The following MED13L variants were observed in gnomAD, a reference collection of about 807,000 sequenced individuals.
MED13L encodes mediator of RNA polymerase II transcription subunit 13-like.
MED13L carries 7 observed loss-of-function variants against 220.9 expected under a neutral mutation model. The observed-to-expected ratio is 0.03, with a 90% CI of 0.02 to 0.06. MED13L has a LOEUF of 0.06. Ranked by LOEUF, MED13L falls within the 10% of genes least tolerant of loss-of-function variation. The probability of loss-of-function intolerance (pLI) is 1.00; values close to 1 mark genes in which losing one functional copy is unlikely to be tolerated. For synonymous variants in MED13L, 1,011 were observed against 1,015.2 expected, an observed-to-expected ratio of 1.00 and a Z score of 0.08; for missense variants, 1,965 against 2,760.5, an observed-to-expected ratio of 0.71 and a Z score of 6.46.
intron 11 of MED13L, chr12:116,006,996 T>C (rs1345203692): frequency 1.3e-5 from 3 of 234,502 alleles, no homozygotes; most frequent in South Asian, 6.8e-5. Context: ...AGAGAATATA[T>C]AGGTACAGCG....
intron 3 of MED13L, among the ~76,000 whole-genome samples, chr12:116,098,914 G>C (rs1049422897): frequency 6.6e-6 from 1 of 152,104 alleles, no homozygotes; most frequent in Non-Finnish European, 1.5e-5. Flanking sequence ...CCAGCTAACA[G>C]ACTTAATTAT....
rs76168561 is a variant in MED13L at position 115,983,797 on chromosome 12, G to C, written c.4532-257C>G. Among the ~76,000 whole-genome samples, 2,150 of 152,252 alleles carry C rather than the reference G, an allele frequency of 0.014. 59 individuals carry two copies. Among genetic ancestry groups the C allele is most frequent in the African/African-American group, 0.049 (2,029 of 41,538 alleles). Reference sequence around the variant, plus strand: ...AATCACTTGTGATAGTCTCCTTTCAGACTGATTCCATGTGCCTGCCCTAAA... The same window carrying C: ...AATCACTTGTGATAGTCTCCTTTCACACTGATTCCATGTGCCTGCCCTAAA... On this transcript the variant is annotated intron_variant, in intron 20 of 30. Coordinates refer to ENST00000281928, the MANE Select transcript of MED13L (RefSeq NM_015335.5).
At chr12:116,121,531 G>C (rs1444586453) in intron 2 of MED13L, among the ~76,000 whole-genome samples, 1 of 152,140 alleles carries the variant, frequency 6.6e-6, no homozygotes, top group Non-Finnish European at 1.5e-5. Flanking sequence ...TGGGAGGAGG[G>C]AGAATGGAAT....
rs544990307 is a variant in MED13L, at chr12:115,992,089, T to A, written c.2997-132A>T. On this transcript the variant is annotated intron_variant, in intron 16 of 30. Transcript: ENST00000281928. The stretch of plus-strand genomic sequence containing the variant: ...CTGCTATCACTGGGATACACTGGTA[T>A]ATTTAATTTTCTCTTAAAAAAAAAA... The A allele has an allele frequency of 5.8e-5, 48 of 828,156 alleles. No homozygotes were observed. The East Asian group carries it at 7.2e-4, about 12-fold the overall frequency. 51.3% of individuals were successfully genotyped at this position (828,156 alleles called of 1,614,324 possible).
Position 115,972,143 on chromosome 12 carries a change from G to A in MED13L, c.5825C>T (p.Ser1942Phe). ...CRMCGISAAD[S>F]PSILSACLVA... Reference sequence around the variant, plus strand: ...CAGGCAGGCACTAAGGATAGAAGGAGAGTCTGCGGCAGAGATTCCACACAT... The same window carrying A: ...CAGGCAGGCACTAAGGATAGAAGGAAAGTCTGCGGCAGAGATTCCACACAT... The change falls in exon 26 of 31, where the codon TCT becomes TTT. Residue 1942 changes from serine to phenylalanine, a missense_variant. By Grantham distance (155) the Ser-to-Phe change is radical. Transcript: ENST00000281928. 1 of 1,614,106 alleles carries A rather than the reference G, an allele frequency of 6.2e-7. No individual in the cohort carries two copies. Among genetic ancestry groups the A allele is most frequent in the Non-Finnish European group, 8.5e-7 (1 of 1,179,940 alleles).
intron 2 of MED13L, among the ~76,000 whole-genome samples, chr12:116,135,596 T>C (rs1336600331): frequency 1.3e-5 from 2 of 152,160 alleles, no homozygotes; most frequent in African/African-American, 4.8e-5. Context: ...TTTGGGGTGG[T>C]TTGTTACACA....
intron 2 of MED13L, among the ~76,000 whole-genome samples, chr12:116,119,876 A>AGTCACAT (rs1348134634): frequency 7.1e-6 from 1 of 141,214 alleles, no homozygotes; most frequent in Non-Finnish European, 1.5e-5. Flanking sequence ...ACTTGTCCAA[A>AGTCACAT]GTCACATAAC....
At chr12:115,994,124 T>C (rs1449119226) in intron 16 of MED13L, among the ~76,000 whole-genome samples, 2 of 152,186 alleles carry the variant, frequency 1.3e-5, no homozygotes, top group Non-Finnish European at 2.9e-5. Context: ...AGGAAGCTGA[T>C]GACTGCCATA....
At position 115,991,295 on chromosome 12, in the gene MED13L, T is replaced by C. The variant is rs1878044979; in HGVS notation, c.3659A>G (p.Glu1220Gly). The stretch of plus-strand genomic sequence containing the variant: ...GAGGAGGAGAAGGCTTATGGGTGGC[T>C]CCTGGGGTTTTTTGGTTCCTTCCAC... Reference protein sequence around the residue: ...PQVEGTKKPQEPPISLLLLLQ... With the variant: ...PQVEGTKKPQGPPISLLLLLQ... Residue 1220 changes from glutamate to glycine, a missense_variant, in exon 17 of 31, where the codon GAG becomes GGG. Physicochemically the swap from Glu to Gly is moderately conservative, Grantham distance 98. Around this residue, in one of 10 missense-constraint regions of MED13L, gnomAD observed 165 missense variants for 190.8 expected, o/e 0.86. Transcript: ENST00000281928. This position sits in a 1 kb window ranked among gnomAD's most constrained non-coding sequence, Gnocchi z 7.7. 1.2e-6 allele frequency: 2 copies of C among 1,614,132 alleles called. No individual in the cohort carries two copies. Among genetic ancestry groups the C allele is most frequent in the Admixed American group, 3.3e-5 (2 of 60,018 alleles).
At chr12:116,275,878 T>C (rs1333543872) in intron 1 of MED13L, among the ~76,000 whole-genome samples, 1 of 152,234 alleles carries the variant, frequency 6.6e-6, no homozygotes, top group East Asian at 1.9e-4. Flanking sequence ...TTACAAATCT[T>C]TGCTCAATAT....
intron 18 of MED13L, among the ~76,000 whole-genome samples, chr12:115,986,733 T>C (rs1877716797): frequency 6.6e-6 from 1 of 152,136 alleles, no homozygotes; most frequent in South Asian, 2.1e-4. Context: ...TAGAACAAGT[T>C]AAAATTAACT....
intron 29 of MED13L, among the ~76,000 whole-genome samples, chr12:115,963,825 GAA>G (rs1875943980): frequency 6.6e-6 from 1 of 152,116 alleles, no homozygotes; most frequent in Non-Finnish European, 1.5e-5. Context: ...AAGGTCCCAT[GAA>G]TTGATATCGC....
chr12:116,163,620 C>T (rs565400914), intron 2 of MED13L, among the ~76,000 whole-genome samples: 210 of 152,154 alleles, frequency 1.4e-3, no homozygotes, highest in Non-Finnish European at 2.2e-3. Context: ...GCCTCGGCCT[C>T]CCAAAGTGCT....
At chr12:116,167,320 C>G (rs1879353947) in intron 2 of MED13L, among the ~76,000 whole-genome samples, 1 of 152,058 alleles carries the variant, frequency 6.6e-6, no homozygotes, top group Non-Finnish European at 1.5e-5. Flanking sequence ...GTTTAAACAA[C>G]TGTTTGATCA....
In MED13L at chr12:116,076,659, A is replaced by ATG. The variant is rs1870828260; in HGVS notation, c.479+20009_479+20010insCA. ...AGCAATTGGGAGAAGTTATGTATGA[A>ATG]TCACCATAATATTGTGACAAGTCTG... On this transcript the variant is annotated intron_variant, in intron 4 of 30. Transcript: ENST00000281928. Among the ~76,000 whole-genome samples, 4 of 152,330 alleles carry ATG rather than the reference A, an allele frequency of 2.6e-5. No individual in the cohort carries two copies. The South Asian group carries it at 8.3e-4, about 32-fold the overall frequency.
chr12:116,032,963 T>C (rs1880946581), intron 4 of MED13L, among the ~76,000 whole-genome samples: 1 of 150,950 alleles, frequency 6.6e-6, no homozygotes, highest in African/African-American at 2.4e-5. Context: ...GAGAAGAATA[T>C]AGGAAAGGGT....
chr12:116,201,480 C>T (rs1233735888), intron 2 of MED13L, among the ~76,000 whole-genome samples: 3 of 151,838 alleles, frequency 2.0e-5, no homozygotes, highest in Non-Finnish European at 4.4e-5. Flanking sequence ...CATCATAAAA[C>T]ATTTGATTTT....
At chr12:116,108,390 A>AGGGGGGGGG (rs35576412) in intron 3 of MED13L, among the ~76,000 whole-genome samples, 2 of 41,246 alleles carry the variant, frequency 4.8e-5, no homozygotes, top group African/African-American at 2.6e-4. Flanking sequence ...TTTAAAAGAA[A>AGGGGGGGGG]GGGGGGGGGG....
chr12:116,220,992 C>A (rs528850825), intron 2 of MED13L, among the ~76,000 whole-genome samples: 1 of 151,980 alleles, frequency 6.6e-6, no homozygotes, highest in Non-Finnish European at 1.5e-5. Context: ...AATCTCGATG[C>A]GGTAAAAGCT....
Sources: allele counts gnomAD v4.1 joint callset (sites outside exome capture counted in the v4.1 genomes callset), GRCh38; gene constraint gnomAD v4.1.1; regional missense constraint gnomAD v4.1.1; non-coding constraint Gnocchi (gnomAD v3.1); transcripts MANE v1.5; gene names NCBI Gene and HGNC (gene_info 2026-07-23, HGNC 2026-07-21).